WNK2: variants seen among roughly 807,000 people sequenced by gnomAD.
WNK2 encodes the protein WNK lysine deficient protein kinase 2.
A neutral mutation model predicts 192.1 loss-of-function variants in WNK2; 67 were observed. The observed-to-expected ratio is 0.35, with a 90% confidence interval of 0.29 to 0.43. The LOEUF is 0.43. Among genes scored for constraint, WNK2 ranks in the 20% least tolerant of loss-of-function variants. The pLI is 1.00. For synonymous variants in WNK2, 1,439 were observed against 1,393.9 expected (o/e 1.03, Z -0.72); for missense variants, 2,698 against 3,089.7 (o/e 0.87, Z 3.01).
intron 26 of WNK2, among the ~76,000 whole-genome samples, chr9:93,300,784 G>A (rs975511814): frequency 2.6e-5 from 4 of 152,092 alleles, no homozygotes; most frequent in Admixed American, 6.5e-5. Context: ...GCTCCAGTTC[G>A]GGCCTCCCCA....
chr9:93,280,327 C>T (rs955069004), intron 19 of WNK2, among the ~76,000 whole-genome samples: 3 of 152,170 alleles, frequency 2.0e-5, no homozygotes, highest in Non-Finnish European at 2.9e-5. Flanking sequence ...CAATGAGACA[C>T]CACCGTACAC....
chr9:93,280,912 G>A (rs897817524), intron 19 of WNK2, among the ~76,000 whole-genome samples: 1 of 152,104 alleles, frequency 6.6e-6, no homozygotes, highest in African/African-American at 2.4e-5. Flanking sequence ...GGAATCAATT[G>A]TTGATACACA....
chr9:93,204,052 T>G (rs1832942840), intron 2 of WNK2, among the ~76,000 whole-genome samples: 1 of 151,578 alleles, frequency 6.6e-6, no homozygotes, highest in Non-Finnish European at 1.5e-5. Context: ...TGTGTGTGTG[T>G]GGTGGGGGTG....
intron 7 of WNK2, 74 bp downstream of exon 7, chr9:93,240,050 G>A: frequency 6.8e-7 from 1 of 1,472,620 alleles, no homozygotes; most frequent in Non-Finnish European, 9.3e-7. Flanking sequence ...GAGAACAAAA[G>A]TGGGCTGAGG....
chr9:93,212,925 G>A (rs1226316410), intron 2 of WNK2, among the ~76,000 whole-genome samples: 1 of 152,204 alleles, frequency 6.6e-6, no homozygotes, highest in Non-Finnish European at 1.5e-5. Flanking sequence ...CCGCCTTGGG[G>A]CTGTTCCCAC....
intron 12 of WNK2, among the ~76,000 whole-genome samples, chr9:93,260,164 T>C (rs925010033): frequency 6.6e-6 from 1 of 152,184 alleles, no homozygotes; most frequent in African/African-American, 2.4e-5. Context: ...CGTGGCAGCA[T>C]GCTGGCTGGC....
intron 26 of WNK2, among the ~76,000 whole-genome samples, chr9:93,303,213 C>T (rs945712394): frequency 2.6e-5 from 4 of 152,192 alleles, no homozygotes; most frequent in Non-Finnish European, 5.9e-5. Flanking sequence ...AGCCACCACA[C>T]CTGGCCCAGT....
At chr9:93,255,658 C>G (rs939649782) in intron 9 of WNK2, among the ~76,000 whole-genome samples, 1 of 152,218 alleles carries the variant, frequency 6.6e-6, no homozygotes, top group African/African-American at 2.4e-5. Context: ...CTGCTCCTCA[C>G]ATTCTCGTTG....
At chr9:93,303,557 T>G (rs1851981127) in intron 26 of WNK2, among the ~76,000 whole-genome samples, 1 of 152,286 alleles carries the variant, frequency 6.6e-6, no homozygotes, top group South Asian at 2.1e-4. Context: ...GCGAGGCTCT[T>G]TGCAGCAGGT....
intron 2 of WNK2, among the ~76,000 whole-genome samples, chr9:93,214,113 C>T (rs970736990): frequency 6.6e-6 from 1 of 152,100 alleles, no homozygotes; most frequent in African/African-American, 2.4e-5. Context: ...CGTTTCCAAA[C>T]GTCTCACAGC....
intron 2 of WNK2, among the ~76,000 whole-genome samples, chr9:93,200,630 A>G (rs1162298305): frequency 6.6e-6 from 1 of 152,194 alleles, no homozygotes; most frequent in Non-Finnish European, 1.5e-5. Context: ...AGCTTGGGGA[A>G]AACTGAGCCC....
intron 5 of WNK2, 26 bp from the exon 6 acceptor site, chr9:93,238,207 A>G (rs1198694497): frequency 6.2e-7 from 1 of 1,611,732 alleles, no homozygotes; most frequent in African/African-American, 1.3e-5. Context: ...CGATCGGGTC[A>G]GGTAACTCTG....
intron 19 of WNK2, among the ~76,000 whole-genome samples, chr9:93,271,918 G>A (rs188437110): frequency 2.4e-4 from 37 of 152,352 alleles, no homozygotes; most frequent in Admixed American, 1.8e-3. Flanking sequence ...AGTGATTTGA[G>A]TGACTATAGA....
chr9:93,307,724 T>TC (rs1418224726), intron 27 of WNK2: 13 of 152,448 alleles, frequency 8.5e-5, no homozygotes, highest in African/African-American at 3.1e-4. Context: ...AATGCGCTGG[T>TC]CAGGACAATT....
At position 93,258,962 on chromosome 9, in the gene WNK2, C is replaced by T. The variant is rs766890996; in HGVS notation, c.2414C>T (p.Thr805Met). 91 of 1,612,726 alleles carry T rather than the reference C, an allele frequency of 5.6e-5. No individual in the cohort carries two copies. The South Asian group carries it at 7.1e-4, about 13-fold the overall frequency. Residue 805 changes from threonine (T) to methionine (M), a missense_variant, in exon 12 of 30, where the codon ACG becomes ATG. By Grantham distance (81) the Thr-to-Met change is moderately conservative. Around this residue, in one of 7 missense-constraint regions of WNK2, gnomAD observed 893 missense variants for 909.0 expected, o/e 0.98. Transcript: ENST00000427277. Reference sequence around the variant, plus strand: ...CCGATTCCTGTTGTGCCCCCCATCACGCCCCTGGCGGGAATCGACGGCCTC... The same window carrying T: ...CCGATTCCTGTTGTGCCCCCCATCATGCCCCTGGCGGGAATCGACGGCCTC... ...MPPIPVVPPI[T>M]PLAGIDGLPP... is the part of the protein sequence containing the mutation.
At chr9:93,261,481 C>T (rs1844239068) in intron 12 of WNK2, among the ~76,000 whole-genome samples, 1 of 152,200 alleles carries the variant, frequency 6.6e-6, no homozygotes, top group African/African-American at 2.4e-5. Flanking sequence ...CCGCAGGCCC[C>T]AGTGGGTGGT....
intron 27 of WNK2, chr9:93,307,536 C>T (rs1852802417): frequency 6.6e-6 from 1 of 152,292 alleles, no homozygotes; most frequent in African/African-American, 2.4e-5. Flanking sequence ...ATTTTAGTCC[C>T]TTAAAAAACA....
At chr9:93,273,113 G>A (rs568598006) in intron 19 of WNK2, among the ~76,000 whole-genome samples, 5 of 152,196 alleles carry the variant, frequency 3.3e-5, no homozygotes, top group Non-Finnish European at 5.9e-5. Context: ...AGACTTCAGA[G>A]CAAAGAAATT....
chr9:93,266,516 A>G (rs1891970), intron 16 of WNK2, among the ~76,000 whole-genome samples: 139,312 of 152,326 alleles, frequency 0.91, 64,099 homozygotes, highest in East Asian at 1. Flanking sequence ...TTTAGTGAAA[A>G]TTTCACAAAA....
Sources: allele counts gnomAD v4.1 joint callset (sites outside exome capture counted in the v4.1 genomes callset), GRCh38; gene constraint gnomAD v4.1.1; regional missense constraint gnomAD v4.1.1; transcripts MANE v1.5; gene names NCBI Gene and HGNC (gene_info 2026-07-23, HGNC 2026-07-21).